CDKAL1: variants seen among roughly 807,000 people sequenced by gnomAD.
CDKAL1 encodes the protein CDKAL1 threonylcarbamoyladenosine tRNA methylthiotransferase, also known as threonylcarbamoyladenosine tRNA methylthiotransferase.
A neutral mutation model predicts 68.2 loss-of-function variants in CDKAL1; 32 were observed. That is an observed-to-expected ratio of 0.47 (90% CI 0.35 to 0.63). The LOEUF (loss-of-function observed/expected upper bound fraction) is 0.63. CDKAL1 is among the 30% of genes least tolerant of loss of function. The pLI, the probability that CDKAL1 is intolerant of heterozygous loss-of-function variation, is 0.00. For missense variants in CDKAL1, 606 were observed against 696.7 expected (o/e 0.87, Z 1.47); for synonymous variants, 234 against 244.3 (o/e 0.96, Z 0.39).
At chr6:20,998,393 C>G (rs1027908274) in intron 10 of CDKAL1, among the ~76,000 whole-genome samples, 1 of 152,206 alleles carries the variant, frequency 6.6e-6, no homozygotes, top group Non-Finnish European at 1.5e-5. Flanking sequence ...AGGCGGATCA[C>G]CTGAGGTCGG....
At chr6:21,199,591 G>C (rs1284364587) in intron 14 of CDKAL1, among the ~76,000 whole-genome samples, 2 of 152,072 alleles carry the variant, frequency 1.3e-5, no homozygotes, top group Non-Finnish European at 2.9e-5. Context: ...GGCATGCCTC[G>C]TTAGCTGCTT....
intron 5 of CDKAL1, among the ~76,000 whole-genome samples, chr6:20,696,356 A>G (rs1365192508): frequency 6.6e-6 from 1 of 152,228 alleles, no homozygotes; most frequent in Non-Finnish European, 1.5e-5. Context: ...CAGAGCTTTT[A>G]GGGTTAGACT....
chr6:20,860,957 GA>G (rs1378041815), intron 9 of CDKAL1, among the ~76,000 whole-genome samples: 3 of 128,520 alleles, frequency 2.3e-5, no homozygotes, highest in Non-Finnish European at 4.7e-5. Context: ...TTTTTTTAGA[GA>G]AAGCGTAAGC....
intron 12 of CDKAL1, among the ~76,000 whole-genome samples, chr6:21,095,398 C>G (rs1773265216): frequency 6.6e-6 from 1 of 152,284 alleles, no homozygotes; most frequent in Admixed American, 6.5e-5. Context: ...CATCCTTTTC[C>G]CACTTGTGTG....
chr6:21,072,676 C>CTTTTTTTTTTTTT (rs66763305), intron 12 of CDKAL1, among the ~76,000 whole-genome samples: 1 of 131,196 alleles, frequency 7.6e-6, no homozygotes, highest in African/African-American at 2.8e-5. Context: ...AATAGAGTAT[C>CTTTTTTTTTTTTT]TTTTTTTTTT....
chr6:20,588,219 T>G (rs1291897505), intron 4 of CDKAL1, among the ~76,000 whole-genome samples: 1 of 152,244 alleles, frequency 6.6e-6, no homozygotes, highest in Non-Finnish European at 1.5e-5. Context: ...AGGCTGATCC[T>G]TGATTCCCTT....
At chr6:20,961,611 C>CA (rs1765059830) in intron 10 of CDKAL1, among the ~76,000 whole-genome samples, 1 of 151,944 alleles carries the variant, frequency 6.6e-6, no homozygotes, top group African/African-American at 2.4e-5. Context: ...ACTAAAAATA[C>CA]AAAAAATTAG....
In CDKAL1 at chr6:20,687,645, C is replaced by A. The variant is rs555297820; in HGVS notation, c.371+38268C>A. On this transcript the variant is annotated intron_variant, in intron 5 of 15. Transcript: ENST00000274695. ...CCTCGACCTCCTAGGCACGGGTGATCCTCCTGAGTAACTGGGACTGTAGGC... is the reference window on the plus strand; with the variant it reads ...CCTCGACCTCCTAGGCACGGGTGATACTCCTGAGTAACTGGGACTGTAGGC... 6.6e-5 allele frequency among the ~76,000 whole-genome samples: 10 copies of A among 152,066 alleles called. No individual in the cohort carries two copies. The South Asian group carries it at 2.1e-3, about 32-fold the overall frequency.
intron 8 of CDKAL1, among the ~76,000 whole-genome samples, chr6:20,810,590 C>G (rs1776765907): frequency 6.7e-6 from 1 of 150,292 alleles, no homozygotes; most frequent in Non-Finnish European, 1.5e-5. Context: ...GAGTGAGACA[C>G]TCTCTTTTTA....
intron 8 of CDKAL1, among the ~76,000 whole-genome samples, chr6:20,795,684 G>A (rs1776080253): frequency 6.6e-6 from 1 of 152,122 alleles, no homozygotes; most frequent in Admixed American, 6.6e-5. Context: ...TTGCCAAGAT[G>A]GTGATATGCT....
chr6:20,648,977 C>T (rs1386108533), intron 4 of CDKAL1, among the ~76,000 whole-genome samples: 2 of 152,106 alleles, frequency 1.3e-5, no homozygotes, highest in African/African-American at 4.8e-5. Flanking sequence ...TGATTTGATA[C>T]TCAGAGTTAA....
At chr6:20,747,898 A>G (rs1160437971) in intron 6 of CDKAL1, among the ~76,000 whole-genome samples, 1 of 152,200 alleles carries the variant, frequency 6.6e-6, no homozygotes, top group Non-Finnish European at 1.5e-5. Flanking sequence ...TATCCAAAAA[A>G]TCAGTGCCAA....
chr6:20,692,677 T>A (rs565906061), intron 5 of CDKAL1, among the ~76,000 whole-genome samples: 2 of 152,166 alleles, frequency 1.3e-5, no homozygotes, highest in Non-Finnish European at 2.9e-5. Context: ...GTACTTTTTT[T>A]CTGGAAAATA....
intron 9 of CDKAL1, among the ~76,000 whole-genome samples, chr6:20,949,525 C>G (rs911195013): frequency 6.6e-6 from 1 of 152,100 alleles, no homozygotes; most frequent in African/African-American, 2.4e-5. Context: ...ATCTGTGCAT[C>G]TCTTTTTTTT....
intron 4 of CDKAL1, among the ~76,000 whole-genome samples, chr6:20,576,433 G>A (rs1764909122): frequency 6.6e-6 from 1 of 152,168 alleles, no homozygotes; most frequent in Non-Finnish European, 1.5e-5. Context: ...AGAACAATTG[G>A]TGTTTCATCA....
rs148300738 is a variant in CDKAL1 at position 21,201,241 on chromosome 6, G to C, written c.1515G>C (p.Pro505=). Residue 505 remains proline (P), a synonymous_variant, in exon 15 of 16, where the codon CCG becomes CCC. Coordinates refer to ENST00000274695, the MANE Select transcript of CDKAL1 (RefSeq NM_017774.3). Reference sequence around the variant, plus strand: ...TGTACACGCCCTCCATCAGCAAACCGCTAGCAAAGGGAGAAGTCTCGGGTT... The same window carrying C: ...TGTACACGCCCTCCATCAGCAAACCCCTAGCAAAGGGAGAAGTCTCGGGTT... ...AKVYTPSISK[P]LAKGEVSGLT... 1 of 1,611,214 alleles carries C rather than the reference G, an allele frequency of 6.2e-7. No homozygotes were observed. Among genetic ancestry groups the C allele is most frequent in the South Asian group, 1.1e-5 (1 of 90,864 alleles).
chr6:20,672,749 G>A (rs1177956447), intron 5 of CDKAL1, among the ~76,000 whole-genome samples: 1 of 152,058 alleles, frequency 6.6e-6, no homozygotes, highest in Non-Finnish European at 1.5e-5. Flanking sequence ...ATGAAAAATT[G>A]ACTTGGTATT....
chr6:20,656,755 TTGAA>T (rs1227559417), intron 5 of CDKAL1, among the ~76,000 whole-genome samples: 1 of 152,180 alleles, frequency 6.6e-6, no homozygotes, highest in Non-Finnish European at 1.5e-5. Context: ...GAAATGCTGT[TTGAA>T]TGATTAAGTA....
chr6:21,142,365 G>A (rs934559608), intron 13 of CDKAL1, among the ~76,000 whole-genome samples: 3 of 151,736 alleles, frequency 2.0e-5, no homozygotes, highest in African/African-American at 7.3e-5. Context: ...TCTGGCAGGA[G>A]ACTGGGACAC....
Sources: allele counts gnomAD v4.1 joint callset (sites outside exome capture counted in the v4.1 genomes callset), GRCh38; gene constraint gnomAD v4.1.1; transcripts MANE v1.5; gene names NCBI Gene and HGNC (gene_info 2026-07-23, HGNC 2026-07-21).